RPL6: variants seen among roughly 807,000 people sequenced by gnomAD.
The protein encoded by RPL6 is large ribosomal subunit protein eL6.
In RPL6, 1 loss-of-function variant was observed where a neutral mutation model predicts 32.1. That is an observed-to-expected ratio of 0.03 (90% CI 0.01 to 0.15). The LOEUF is 0.15. RPL6 is among the 10% of genes least tolerant of loss of function. The pLI is 1.00. For missense variants in RPL6, 275 were observed against 354.6 expected (o/e 0.78, Z 1.80); for synonymous variants, 126 against 131.6 (o/e 0.96, Z 0.29).
chr12:112,409,262 A>G (rs1005486298), intron 1 of RPL6: 4 of 387,904 alleles, frequency 1.0e-5, no homozygotes, highest in Non-Finnish European at 1.8e-5. Flanking sequence ...CATCCTCTGG[A>G]ACCCAGGACC....
chr12:112,405,735 C>T (rs2037141765), intron 6 of RPL6, 118 bp downstream of exon 6: 2 of 829,376 alleles, frequency 2.4e-6, no homozygotes, highest in Non-Finnish European at 3.8e-6. Context: ...TACTAAGTAT[C>T]TCCCAGCATT....
intron 3 of RPL6, 153 bp downstream of exon 3, chr12:112,408,087 T>G: frequency 1.6e-6 from 1 of 622,614 alleles, no homozygotes; most frequent in Non-Finnish European, 2.8e-6. Context: ...AGATTAACAG[T>G]AAATGTTGAA....
At chr12:112,410,008 G>GAA (rs367708899), upstream of RPL6, among the ~76,000 whole-genome samples, 10 of 74,484 alleles carry the variant, frequency 1.3e-4, no homozygotes, top group South Asian at 8.4e-4. Flanking sequence ...TCTCAAAAAA[G>GAA]AAAAAAAAAA....
At chr12:112,406,255 G>GA in intron 5 of RPL6, 39 bp downstream of exon 5, 3 of 1,564,190 alleles carry the variant, frequency 1.9e-6, no homozygotes, top group Non-Finnish European at 2.6e-6. Context: ...TTTAAAAATG[G>GA]AAGTTTCACA....
At chr12:112,409,410 C>A in intron 1 of RPL6, 177 bp downstream of exon 1, 1 of 398,598 alleles carries the variant, frequency 2.5e-6, no homozygotes, top group Non-Finnish European at 4.4e-6. Flanking sequence ...TTCTACCTCA[C>A]CCTCTTTGTG....
chr12:112,407,840 G>C (rs955853288), intron 3 of RPL6: 1 of 172,976 alleles, frequency 5.8e-6, no homozygotes, highest in South Asian at 1.2e-4. Context: ...CGATTCTTCT[G>C]CCTCAGCCTC....
upstream of RPL6, chr12:112,411,205 A>G (rs751998892): frequency 6.6e-6 from 1 of 152,232 alleles, no homozygotes; most frequent in Admixed American, 6.5e-5. Context: ...AAAAATAAGA[A>G]TATTTATTAT....
chr12:112,409,817 C>T (rs2037307043), upstream of RPL6, among the ~76,000 whole-genome samples: 2 of 151,804 alleles, frequency 1.3e-5, no homozygotes, highest in South Asian at 4.2e-4. Flanking sequence ...TCGAGACCAG[C>T]CTGGCCAACA....
chr12:112,405,679 G>T, intron 6 of RPL6, 174 bp downstream of exon 6: 1 of 646,712 alleles, frequency 1.5e-6, no homozygotes, highest in African/African-American at 1.8e-5. Flanking sequence ...TCTAAGTTGA[G>T]CTCCCAGACT....
At chr12:112,406,496 A>T (rs2037172856) in intron 4 of RPL6, 154 bp from the exon 5 acceptor site, 2 of 788,938 alleles carry the variant, frequency 2.5e-6, no homozygotes, top group East Asian at 2.7e-5. Context: ...CAAGCTACTA[A>T]GGTAGTACTC....
intron 1 of RPL6, 186 bp downstream of exon 1, chr12:112,409,401 T>C: frequency 2.5e-6 from 1 of 398,378 alleles, no homozygotes; most frequent in Non-Finnish European, 4.4e-6. Context: ...ACTACGGCAT[T>C]CTACCTCACC....
At chr12:112,405,653 C>T in intron 6 of RPL6, 200 bp downstream of exon 6, 1 of 621,072 alleles carries the variant, frequency 1.6e-6, no homozygotes, top group African/African-American at 1.8e-5. Flanking sequence ...CACACAATTC[C>T]ACCAAACTTT....
At chr12:112,409,674 G>A (rs1470567984), upstream of RPL6, 4 of 394,668 alleles carry the variant, frequency 1.0e-5, no homozygotes, top group Admixed American at 4.4e-5. Flanking sequence ...TTCCGGATCT[G>A]GGGCATCATG....
intron 5 of RPL6, 30 bp downstream of exon 5, chr12:112,406,264 C>G: frequency 6.3e-7 from 1 of 1,597,664 alleles, no homozygotes; most frequent in Non-Finnish European, 8.6e-7. Context: ...GGAAGTTTCA[C>G]AGAACATCAC....
upstream of RPL6, among the ~76,000 whole-genome samples, chr12:112,413,388 A>T (rs1194864202): frequency 6.6e-6 from 1 of 152,026 alleles, no homozygotes; most frequent in Non-Finnish European, 1.5e-5. Context: ...ATACAAAAAA[A>T]TTAGCCGGGC....
chr12:112,417,413 T>C (rs2037427384), intron 1 of RPL6, among the ~76,000 whole-genome samples: 1 of 151,738 alleles, frequency 6.6e-6, no homozygotes, highest in South Asian at 2.1e-4. Flanking sequence ...AGCTCTACTC[T>C]TCTCAATCTG....
intron 3 of RPL6, 199 bp downstream of exon 3, chr12:112,408,041 A>C: frequency 1.7e-6 from 1 of 584,148 alleles, no homozygotes; most frequent in South Asian, 2.1e-5. Flanking sequence ...TTATATGCAA[A>C]GGAACAAAGC....
intron 3 of RPL6, 84 bp downstream of exon 3, chr12:112,408,156 A>G: frequency 2.9e-6 from 3 of 1,017,538 alleles, no homozygotes; most frequent in Non-Finnish European, 4.4e-6. Flanking sequence ...GTATGCAGAA[A>G]CTTACAGTAT....
At chr12:112,409,786 G>C, upstream of RPL6, 1 of 294,792 alleles carries the variant, frequency 3.4e-6, no homozygotes, top group Non-Finnish European at 6.2e-6. Context: ...CGAGGCAGGA[G>C]GATCCTCTGA....
Sources: gnomAD v4.1 joint callset for allele counts (sites outside exome capture counted in the v4.1 genomes callset) on GRCh38, gnomAD v4.1.1 for gene constraint, MANE v1.5 for transcripts, NCBI Gene and HGNC (gene_info 2026-07-23, HGNC 2026-07-21) for gene names.